Variants in EFEMP1 observed in about 807,000 individuals in gnomAD.
EFEMP1 encodes the protein EGF-containing fibulin-like extracellular matrix protein 1.
A neutral mutation model predicts 65.7 loss-of-function variants in EFEMP1; 18 were observed. That is an observed-to-expected ratio of 0.27 (90% confidence interval 0.19 to 0.41). The LOEUF (loss-of-function observed/expected upper bound fraction) is 0.41, where lower values mean the gene tolerates loss of function less well. Ranked by LOEUF, EFEMP1 falls within the 10% of genes least tolerant of loss-of-function variation. EFEMP1 has a pLI of 1.00. For missense variants in EFEMP1, 469 were observed against 624.8 expected (o/e 0.75, Z 2.66); for synonymous variants, 237 against 219.7 (o/e 1.08, Z -0.70).
In EFEMP1 at chr2:55,922,493, G is replaced by A; in HGVS notation, c.-7-46C>T. On this transcript the variant is annotated intron_variant, in intron 2 of 11. Transcript: ENST00000355426. The surrounding 1 kb of genome is among the most constrained non-coding windows in gnomAD (Gnocchi z 5.5). ...AACTAATGTTTAGTATCTGCTGCGGGGAAAGTAACAAAACTTTAGCAGTGA... is the reference window on the plus strand; with the variant it reads ...AACTAATGTTTAGTATCTGCTGCGGAGAAAGTAACAAAACTTTAGCAGTGA... 1 of 1,564,560 alleles carries A rather than the reference G, an allele frequency of 6.4e-7. No individual in the cohort carries two copies. The highest frequency in any genetic ancestry group is 1.7e-5 in the Admixed American group (1 of 59,774).
At chr2:55,915,815 C>G (rs760233111) in intron 5 of EFEMP1, among the ~76,000 whole-genome samples, 2 of 152,062 alleles carry the variant, frequency 1.3e-5, no homozygotes, top group African/African-American at 2.4e-5. Flanking sequence ...TAAATAAACT[C>G]AAGATTTTTT....
intron 5 of EFEMP1, among the ~76,000 whole-genome samples, chr2:55,898,295 A>G (rs914694368): frequency 2.0e-5 from 3 of 152,188 alleles, no homozygotes; most frequent in African/African-American, 7.2e-5. Flanking sequence ...AATATTAGAA[A>G]CAAACTGTTC....
At chr2:55,900,021 G>C (rs1031973957) in intron 5 of EFEMP1, among the ~76,000 whole-genome samples, 1 of 151,982 alleles carries the variant, frequency 6.6e-6, no homozygotes, top group African/African-American at 2.4e-5. Context: ...GTTCCAGATG[G>C]ATTCAGTCAT....
chr2:55,908,273 G>A (rs1670355828), intron 5 of EFEMP1, among the ~76,000 whole-genome samples: 1 of 152,158 alleles, frequency 6.6e-6, no homozygotes, highest in Non-Finnish European at 1.5e-5. Context: ...TTTTACAGAA[G>A]TTCATCAAAA....
At position 55,873,987 on chromosome 2, in the gene EFEMP1, A is replaced by G. The variant is rs1170168636; in HGVS notation, c.1000+959T>C. 1.3e-5 allele frequency among the ~76,000 whole-genome samples: 2 copies of G among 152,060 alleles called. No individual in the cohort carries two copies. Among genetic ancestry groups the G allele is most frequent in the African/African-American group, 2.4e-5 (1 of 41,438 alleles). On this transcript the variant is annotated intron_variant, in intron 9 of 11. Coordinates refer to ENST00000355426, the MANE Select transcript of EFEMP1 (RefSeq NM_001039348.3). This position sits in a 1 kb window ranked among gnomAD's most constrained non-coding sequence, Gnocchi z 4.6. ...TACATTGGTAAGTAAATTTCATAAA[A>G]ACACCTTGACCTGTACAAGCTTTAT...
At chr2:55,911,591 T>G (rs1670484882) in intron 5 of EFEMP1, among the ~76,000 whole-genome samples, 1 of 152,168 alleles carries the variant, frequency 6.6e-6, no homozygotes, top group Non-Finnish European at 1.5e-5. Context: ...TTGCTGGTGC[T>G]GGCCCCAGAG....
chr2:55,884,243 TAAC>T (rs895104615), intron 5 of EFEMP1, among the ~76,000 whole-genome samples: 1 of 152,236 alleles, frequency 6.6e-6, no homozygotes, highest in African/African-American at 2.4e-5. Flanking sequence ...TTTATTTAAA[TAAC>T]ACAATATTAT....
At position 55,918,261 on chromosome 2, in the gene EFEMP1, T is replaced by G; in HGVS notation, c.88A>C (p.Thr30Pro). Residue 30 changes from threonine (T) to proline (P), a missense_variant, in exon 4 of 12, where the codon ACT (threonine) becomes CCT (proline). Physicochemically the swap from Thr to Pro is conservative, Grantham distance 38 (BLOSUM62 -1). Around this residue, in one of 3 missense-constraint regions of EFEMP1, gnomAD observed 66 missense variants for 73.0 expected, o/e 0.90. Transcript: ENST00000355426. Reference protein sequence around the residue: ...TEETITYTQCTDGYEWDPVRQ... With the variant: ...TEETITYTQCPDGYEWDPVRQ... ...ACAGGATCCCACTCATATCCGTCAG[T>G]GCATTGCTGTGAAGAAAACATCAAA... 6.2e-7 allele frequency: 1 copy of G among 1,614,192 alleles called. No homozygotes were observed.
intron 3 of EFEMP1, among the ~76,000 whole-genome samples, chr2:55,918,780 G>A (rs1310003265): frequency 1.3e-5 from 2 of 151,788 alleles, no homozygotes; most frequent in Middle Eastern, 3.4e-3. Flanking sequence ...AGGAACAGAG[G>A]TGTTCCTCCT....
At chr2:55,875,120 C>T (rs1040071792) in intron 8 of EFEMP1, 55 bp from the exon 9 acceptor site, 16 of 1,166,280 alleles carry the variant, frequency 1.4e-5, no homozygotes, top group Non-Finnish European at 1.9e-5. Flanking sequence ...TGCACCACTA[C>T]TTTGGATATA....
Position 55,921,121 on chromosome 2 carries a change from T to G in EFEMP1, c.81+1239A>C, listed in dbSNP as rs1461231401. On this transcript the variant is annotated intron_variant, in intron 3 of 11. Coordinates refer to ENST00000355426, the MANE Select transcript of EFEMP1 (RefSeq NM_001039348.3). This position sits in a 1 kb window ranked among gnomAD's most constrained non-coding sequence, Gnocchi z 4.1. ...TTTATGAGATGATTATAAAAGTGGG[T>G]AGTGAATTTAATTTTAGCTCCCTGA... 6.6e-6 allele frequency among the ~76,000 whole-genome samples: 1 copy of G among 152,164 alleles called. No individual in the cohort carries two copies. The highest frequency in any genetic ancestry group is 2.4e-5 in the African/African-American group (1 of 41,446).
At chr2:55,868,853 A>G (rs1000718009) in intron 11 of EFEMP1, among the ~76,000 whole-genome samples, 6 of 152,198 alleles carry the variant, frequency 3.9e-5, no homozygotes, top group Non-Finnish European at 7.3e-5. Flanking sequence ...TAATTAACCT[A>G]ACTAACCTGC....
chr2:55,891,385 G>A (rs951065374), intron 5 of EFEMP1, among the ~76,000 whole-genome samples: 4 of 151,958 alleles, frequency 2.6e-5, no homozygotes, highest in Admixed American at 1.3e-4. Context: ...GAATCTGAAC[G>A]GTGGGTGTTC....
intron 8 of EFEMP1, among the ~76,000 whole-genome samples, chr2:55,875,607 AC>A (rs1366327917): frequency 2.0e-5 from 3 of 152,070 alleles, no homozygotes; most frequent in Non-Finnish European, 2.9e-5. Context: ...GGACCTAACT[AC>A]ACTACTGAAT....
At chr2:55,920,394 G>A (rs1572854361) in intron 3 of EFEMP1, among the ~76,000 whole-genome samples, 1 of 152,340 alleles carries the variant, frequency 6.6e-6, no homozygotes, top group East Asian at 1.9e-4. Flanking sequence ...AATTCTCCAA[G>A]AGGAGACTGA....
At chr2:55,903,275 T>C (rs1282172721) in intron 5 of EFEMP1, among the ~76,000 whole-genome samples, 2 of 152,232 alleles carry the variant, frequency 1.3e-5, no homozygotes, top group Non-Finnish European at 2.9e-5. Context: ...GCTGTTACAA[T>C]GTAATTTGTA....
At chr2:55,880,454 C>T (rs1396466594) in intron 6 of EFEMP1, among the ~76,000 whole-genome samples, 1 of 152,198 alleles carries the variant, frequency 6.6e-6, no homozygotes, top group Non-Finnish European at 1.5e-5. Context: ...ACACACTCTT[C>T]TTTTAAATCA....
chr2:55,880,703 G>A (rs1000418408), intron 6 of EFEMP1, among the ~76,000 whole-genome samples: 1 of 152,220 alleles, frequency 6.6e-6, no homozygotes, highest in South Asian at 2.1e-4. Context: ...GTGGTAAGAA[G>A]GGGTATGTAA....
rs533727005 is a variant in EFEMP1, at chr2:55,913,823, A to G, written c.517+3842T>C. 5.9e-4 allele frequency among the ~76,000 whole-genome samples: 90 copies of G among 151,972 alleles called. 1 individual carries two copies. The South Asian group carries it at 0.017, about 29-fold the overall frequency. On this transcript the variant is annotated intron_variant, in intron 5 of 11. Coordinates refer to ENST00000355426, the MANE Select transcript of EFEMP1 (RefSeq NM_001039348.3). Reference sequence around the variant, plus strand: ...TCAGGAGCTCGAGACCAGCCTGGCCAACATGGTGAAACCCCATCTCTACTA... The same window carrying G: ...TCAGGAGCTCGAGACCAGCCTGGCCGACATGGTGAAACCCCATCTCTACTA...
Sources: allele counts gnomAD v4.1 joint callset (sites outside exome capture counted in the v4.1 genomes callset), GRCh38; gene constraint gnomAD v4.1.1; regional missense constraint gnomAD v4.1.1; non-coding constraint Gnocchi (gnomAD v3.1); transcripts MANE v1.5; gene names NCBI Gene and HGNC (gene_info 2026-07-23, HGNC 2026-07-21).